KCTD8: variants seen among roughly 807,000 people sequenced by gnomAD.
KCTD8 encodes BTB/POZ domain-containing protein KCTD8.
In KCTD8, 27 loss-of-function variants were observed where a neutral mutation model predicts 31.5. The observed-to-expected ratio is 0.86, with a 90% CI of 0.63 to 1.18. The LOEUF (loss-of-function observed/expected upper bound fraction) is 1.18. KCTD8 is among the 50% of genes most tolerant of loss of function. The pLI is 0.00. For missense variants in KCTD8, 658 were observed against 647.7 expected, an observed-to-expected ratio of 1.02 and a Z score of -0.17; for synonymous variants, 290 against 280.0, an observed-to-expected ratio of 1.04 and a Z score of -0.36.
At chr4:44,246,723 T>G (rs1245900743) in intron 1 of KCTD8, among the ~76,000 whole-genome samples, 1 of 152,020 alleles carries the variant, frequency 6.6e-6, no homozygotes, top group Non-Finnish European at 1.5e-5. Context: ...CCCCCATTTC[T>G]ACCTTCACGC....
chr4:44,301,118 G>T (rs1260001233), intron 1 of KCTD8, among the ~76,000 whole-genome samples: 2 of 152,000 alleles, frequency 1.3e-5, no homozygotes, highest in African/African-American at 2.4e-5. Context: ...GTCTATCGTT[G>T]TTGGACATTT....
chr4:44,233,629 T>C (rs987279211), intron 1 of KCTD8, among the ~76,000 whole-genome samples: 2 of 152,204 alleles, frequency 1.3e-5, no homozygotes, highest in Non-Finnish European at 2.9e-5. Flanking sequence ...GTGGACTATG[T>C]TGCTCTGTCC....
chr4:44,331,731 T>TTATA (rs368728228), intron 1 of KCTD8, among the ~76,000 whole-genome samples: 2 of 147,672 alleles, frequency 1.4e-5, no homozygotes, highest in Admixed American at 6.8e-5. Context: ...ATATATAGTT[T>TTATA]TATATATATA....
intron 1 of KCTD8, among the ~76,000 whole-genome samples, chr4:44,398,582 T>C (rs903516961): frequency 2.4e-4 from 37 of 152,314 alleles, no homozygotes; most frequent in South Asian, 1.9e-3. Context: ...TATAGCAGCC[T>C]TTCAACTCTA....
At chr4:44,329,177 C>T (rs1263847162) in intron 1 of KCTD8, among the ~76,000 whole-genome samples, 11 of 147,192 alleles carry the variant, frequency 7.5e-5, no homozygotes, top group Non-Finnish European at 1.3e-4. Flanking sequence ...TTTTTTTTTA[C>T]GATAAAAAAC....
intron 1 of KCTD8, among the ~76,000 whole-genome samples, chr4:44,350,955 T>C (rs754453573): frequency 6.6e-6 from 1 of 152,092 alleles, no homozygotes; most frequent in Non-Finnish European, 1.5e-5. Context: ...ATTAACTCAA[T>C]ATTGGCTACC....
chr4:44,202,797 TAAAA>T (rs1317123853), intron 1 of KCTD8, among the ~76,000 whole-genome samples: 2 of 151,880 alleles, frequency 1.3e-5, no homozygotes, highest in African/African-American at 2.4e-5. Flanking sequence ...ATTGAAAGGA[TAAAA>T]AATAAAAATA....
intron 1 of KCTD8, among the ~76,000 whole-genome samples, chr4:44,180,155 T>G (rs911361179): frequency 2.6e-5 from 4 of 152,096 alleles, no homozygotes; most frequent in African/African-American, 7.2e-5. Flanking sequence ...TGAAAGCACT[T>G]TGCCCTGTGA....
intron 1 of KCTD8, among the ~76,000 whole-genome samples, chr4:44,447,278 C>G (rs968955724): frequency 6.6e-6 from 1 of 152,228 alleles, no homozygotes; most frequent in African/African-American, 2.4e-5. Flanking sequence ...CATCTGGGAG[C>G]GGGCTGGGCC....
chr4:44,209,652 CT>C (rs1714423574), intron 1 of KCTD8, among the ~76,000 whole-genome samples: 1 of 152,038 alleles, frequency 6.6e-6, no homozygotes, highest in Non-Finnish European at 1.5e-5. Flanking sequence ...GCTTGTTCTA[CT>C]TGCTAGATGC....
chr4:44,302,996 G>T (rs995911925), intron 1 of KCTD8, among the ~76,000 whole-genome samples: 8 of 152,080 alleles, frequency 5.3e-5, no homozygotes, highest in Non-Finnish European at 7.3e-5. Context: ...TTTGTCTTTG[G>T]TTCTGTTTAT....
intron 1 of KCTD8, among the ~76,000 whole-genome samples, chr4:44,284,547 A>T (rs1717000065): frequency 6.6e-6 from 1 of 152,228 alleles, no homozygotes; most frequent in African/African-American, 2.4e-5. Context: ...AATACCATTC[A>T]GGATGTAGGC....
chr4:44,233,735 T>C (rs1157338886), intron 1 of KCTD8, among the ~76,000 whole-genome samples: 1 of 152,222 alleles, frequency 6.6e-6, no homozygotes, highest in African/African-American at 2.4e-5. Context: ...AGAATTCTAT[T>C]ATTCTCTGAA....
At chr4:44,409,368 A>G (rs1358852188) in intron 1 of KCTD8, among the ~76,000 whole-genome samples, 1 of 152,136 alleles carries the variant, frequency 6.6e-6, no homozygotes, top group African/African-American at 2.4e-5. Context: ...TTTTCAAGAC[A>G]GACATTTTAC....
intron 1 of KCTD8, among the ~76,000 whole-genome samples, chr4:44,407,879 CA>C (rs1390889213): frequency 5.3e-5 from 8 of 152,128 alleles, no homozygotes; most frequent in African/African-American, 1.9e-4. Flanking sequence ...TCAGGTTCTG[CA>C]AACAACCTAC....
intron 1 of KCTD8, among the ~76,000 whole-genome samples, chr4:44,424,883 T>C (rs1342586729): frequency 6.6e-6 from 1 of 151,982 alleles, no homozygotes; most frequent in East Asian, 1.9e-4. Context: ...CCCAAATTCA[T>C]CTTGAAGTTC....
intron 1 of KCTD8, among the ~76,000 whole-genome samples, chr4:44,223,515 T>C (rs1305308441): frequency 6.6e-6 from 1 of 152,202 alleles, no homozygotes; most frequent in Non-Finnish European, 1.5e-5. Flanking sequence ...CCATATTCAA[T>C]CAGTAAAAAC....
At chr4:44,291,906 G>C (rs575095569) in intron 1 of KCTD8, among the ~76,000 whole-genome samples, 40 of 136,818 alleles carry the variant, frequency 2.9e-4, no homozygotes, top group African/African-American at 1.1e-3. Flanking sequence ...TCAGAGAAAT[G>C]CAAATGAAAG....
At position 44,231,801 on chromosome 4, in the gene KCTD8, C is replaced by T. The variant is rs112543473; in HGVS notation, c.962-56551G>A. On this transcript the variant is annotated intron_variant, in intron 1 of 1. Transcript: ENST00000360029. ...CACTGTGTCTCTCTCTCTCTCTCTGCCTTTCTTTCTCTTTCTCCTTTTTTC... is the reference window on the plus strand; with the variant it reads ...CACTGTGTCTCTCTCTCTCTCTCTGTCTTTCTTTCTCTTTCTCCTTTTTTC... Among the ~76,000 whole-genome samples the T allele has an allele frequency of 7.0e-3, 1,069 of 152,028 alleles. 11 individuals carry two copies. Among genetic ancestry groups the T allele is most frequent in the African/African-American group, 0.025 (1,018 of 41,486 alleles).
Sources: gnomAD v4.1 joint callset for allele counts (sites outside exome capture counted in the v4.1 genomes callset) on GRCh38, gnomAD v4.1.1 for gene constraint, MANE v1.5 for transcripts, NCBI Gene and HGNC (gene_info 2026-07-23, HGNC 2026-07-21) for gene names.